AGPAT5: variants seen among roughly 807,000 people sequenced by gnomAD.
The protein encoded by AGPAT5 is 1-acyl-sn-glycerol-3-phosphate acyltransferase epsilon.
A neutral mutation model predicts 45.6 loss-of-function variants in AGPAT5; 46 were observed. The observed-to-expected ratio is 1.01, with a 90% confidence interval of 0.80 to 1.29. The LOEUF is 1.29. AGPAT5 is among the 50% of genes most tolerant of loss of function. The probability of loss-of-function intolerance (pLI) is 0.00; values close to 1 mark genes in which losing one functional copy is unlikely to be tolerated. For synonymous variants in AGPAT5, 272 were observed against 167.0 expected, an observed-to-expected ratio of 1.63 and a Z score of -4.85; for missense variants, 673 against 450.7, an observed-to-expected ratio of 1.49 and a Z score of -4.47.
intron 5 of AGPAT5, among the ~76,000 whole-genome samples, chr8:6,743,136 C>T (rs190129283): frequency 6.6e-6 from 1 of 152,284 alleles, no homozygotes; most frequent in Admixed American, 6.5e-5. Flanking sequence ...AACTCTCTGG[C>T]GATTACTTCC....
intron 4 of AGPAT5, chr8:6,738,567 G>A (rs1801133505): frequency 6.6e-6 from 1 of 152,100 alleles, no homozygotes; most frequent in Admixed American, 6.6e-5. Flanking sequence ...ACATACTGTT[G>A]GAAAAATGGC....
At chr8:6,752,170 C>G (rs577567962) in intron 6 of AGPAT5, among the ~76,000 whole-genome samples, 4 of 151,696 alleles carry the variant, frequency 2.6e-5, no homozygotes, top group African/African-American at 9.7e-5. Flanking sequence ...GAGCAAGAAT[C>G]CGCCTAAAAA....
chr8:6,721,478 G>A (rs1800495490), intron 1 of AGPAT5, among the ~76,000 whole-genome samples: 1 of 152,174 alleles, frequency 6.6e-6, no homozygotes, highest in Non-Finnish European at 1.5e-5. Flanking sequence ...TGGTTACTAT[G>A]TTCTAGGTGT....
At position 6,758,876 on chromosome 8, in the gene AGPAT5, G is replaced by T. The variant is rs1801933900; in HGVS notation, c.*1488G>T. 1.3e-5 allele frequency: 2 copies of T among 152,602 alleles called. No individual in the cohort carries two copies. Among genetic ancestry groups the T allele is most frequent in the Admixed American group, 1.3e-4 (2 of 15,274 alleles). The allele number at this position is 152,602 out of a possible 1,614,324, so 9.5% of individuals were successfully genotyped here. ...GGATTTTTGCTGCAGAAATATATCA[G>T]TGGCCCACATTAAACATACCAGTTG... On this transcript the variant is annotated 3_prime_UTR_variant, in exon 8 of 8. Coordinates refer to ENST00000285518, the MANE Select transcript of AGPAT5 (RefSeq NM_018361.5).
At chr8:6,742,065 A>G (rs1801260727) in intron 5 of AGPAT5, among the ~76,000 whole-genome samples, 1 of 152,176 alleles carries the variant, frequency 6.6e-6, no homozygotes, top group Admixed American at 6.6e-5. Context: ...TGTATGGGTT[A>G]TATGTAATGG....
At chr8:6,748,343 G>C (rs939981155) in intron 6 of AGPAT5, among the ~76,000 whole-genome samples, 1 of 152,132 alleles carries the variant, frequency 6.6e-6, no homozygotes, top group Non-Finnish European at 1.5e-5. Context: ...TAAGTGAGCA[G>C]GATAACTTAG....
rs368442994 is a variant in AGPAT5, at chr8:6,741,650, A to G, written c.496-11A>G. On this transcript the variant is annotated splice_polypyrimidine_tract_variant and intron_variant, in intron 4 of 7. Coordinates refer to ENST00000285518, the MANE Select transcript of AGPAT5 (RefSeq NM_018361.5). ...ACACAAAATAAACCAAATTTGCTCT[A>G]TGTCCCACAGATGTATCTTGTGATT... The G allele has an allele frequency of 3.2e-5, 50 of 1,580,530 alleles. 1 individual carries two copies. Among genetic ancestry groups the G allele is most frequent in the African/African-American group, 2.7e-4 (20 of 73,234 alleles).
At chr8:6,750,372 C>A (rs1317105217) in intron 6 of AGPAT5, among the ~76,000 whole-genome samples, 4 of 152,224 alleles carry the variant, frequency 2.6e-5, no homozygotes, top group African/African-American at 9.6e-5. Context: ...GGGGTGGTCA[C>A]TGCCTATGTG....
chr8:6,751,177 G>C (rs921673138), intron 6 of AGPAT5, among the ~76,000 whole-genome samples: 1 of 152,116 alleles, frequency 6.6e-6, no homozygotes, highest in African/African-American at 2.4e-5. Flanking sequence ...GTTGTGTTAG[G>C]TAGAAAATTC....
chr8:6,725,839 T>C (rs1800667647), intron 2 of AGPAT5, among the ~76,000 whole-genome samples: 1 of 152,242 alleles, frequency 6.6e-6, no homozygotes, highest in Non-Finnish European at 1.5e-5. Context: ...TATAGTACTC[T>C]TAGGGAAATC....
intron 2 of AGPAT5, 114 bp downstream of exon 2, chr8:6,725,053 G>A (rs1231863590): frequency 8.7e-6 from 3 of 345,848 alleles, no homozygotes; most frequent in African/African-American, 2.1e-5. Context: ...AATTTTCTGT[G>A]CAGATATTAC....
intron 4 of AGPAT5, among the ~76,000 whole-genome samples, chr8:6,739,677 A>G (rs1426730411): frequency 6.6e-6 from 1 of 152,064 alleles, no homozygotes; most frequent in African/African-American, 2.4e-5. Flanking sequence ...TTTCCTACAT[A>G]AACAATCATG....
chr8:6,744,952 C>G (rs1801382816), intron 5 of AGPAT5, among the ~76,000 whole-genome samples: 1 of 152,214 alleles, frequency 6.6e-6, no homozygotes, highest in South Asian at 2.1e-4. Flanking sequence ...CCAAGCCAGG[C>G]CATTTCATTT....
intron 5 of AGPAT5, among the ~76,000 whole-genome samples, chr8:6,745,449 C>T (rs1029197253): frequency 6.6e-6 from 1 of 152,214 alleles, no homozygotes; most frequent in Non-Finnish European, 1.5e-5. Flanking sequence ...TCTCACTTAA[C>T]CACTGACCTC....
intron 4 of AGPAT5, among the ~76,000 whole-genome samples, chr8:6,735,408 G>C (rs1426845592): frequency 6.6e-6 from 1 of 152,178 alleles, no homozygotes; most frequent in Admixed American, 6.5e-5. Context: ...TCTGTGGGTC[G>C]AGCCTGTGAA....
chr8:6,738,752 G>C (rs77376955), intron 4 of AGPAT5, among the ~76,000 whole-genome samples: 4,149 of 152,170 alleles, frequency 0.027, 130 homozygotes, highest in African/African-American at 0.07. Flanking sequence ...TTTGTGAATA[G>C]TATCTTTTTT....
rs896268792 is a variant in AGPAT5 at position 6,709,808 on chromosome 8, T to C, written c.219+921T>C. Reference sequence around the variant, plus strand: ...TTGCAGTTGCACTGCTGATCGACCCTTGATGGCCCCAGTTGGAAGTTGTTT... The same window carrying C: ...TTGCAGTTGCACTGCTGATCGACCCCTGATGGCCCCAGTTGGAAGTTGTTT... On this transcript the variant is annotated intron_variant, in intron 1 of 7. Transcript: ENST00000285518. Among the ~76,000 whole-genome samples, 41 of 152,230 alleles carry C rather than the reference T, an allele frequency of 2.7e-4. 1 individual carries two copies. The highest frequency in any genetic ancestry group is 9.6e-4 in the African/African-American group (40 of 41,524).
intron 5 of AGPAT5, 82 bp downstream of exon 5, chr8:6,741,833 T>C (rs1481056086): frequency 2.7e-6 from 3 of 1,123,296 alleles, no homozygotes; most frequent in Admixed American, 1.8e-5. Flanking sequence ...AAAGATACTT[T>C]TGTTTTACAG....
intron 4 of AGPAT5, among the ~76,000 whole-genome samples, chr8:6,735,350 G>A (rs543625285): frequency 1.4e-4 from 22 of 152,234 alleles, no homozygotes; most frequent in Non-Finnish European, 2.4e-4. Context: ...AGTCTTCCCT[G>A]ACCGCAGTGT....
Sources: gnomAD v4.1 joint callset for allele counts (sites outside exome capture counted in the v4.1 genomes callset) on GRCh38, gnomAD v4.1.1 for gene constraint, MANE v1.5 for transcripts, NCBI Gene and HGNC (gene_info 2026-07-23, HGNC 2026-07-21) for gene names.